The following MGAT5B variants were observed in gnomAD, a reference collection of about 807,000 sequenced individuals.
The protein encoded by MGAT5B is N-acetylglucosaminyl-transferase Vb.
A neutral mutation model predicts 95.1 loss-of-function variants in MGAT5B; 54 were observed. The ratio of observed to expected loss-of-function variants is 0.57; its 90% CI spans 0.46 to 0.71. The LOEUF is 0.71. MGAT5B is among the 30% of genes least tolerant of loss of function. The pLI is 0.00. For missense variants in MGAT5B, 935 were observed against 1,088.6 expected, an observed-to-expected ratio of 0.86 and a Z score of 1.99; for synonymous variants, 464 against 451.0, an observed-to-expected ratio of 1.03 and a Z score of -0.36.
rs553098725 is a variant in MGAT5B at position 76,870,131 on chromosome 17, C to G, written c.68+1034C>G. The stretch of plus-strand genomic sequence containing the variant: ...GCGGAGCTTGCAGGGGCCCTGAACT[C>G]TTGCCCTCCAGGTCTCGGCCCAGCC... On this transcript the variant is annotated intron_variant, in intron 1 of 17. Transcript: ENST00000569840. The surrounding 1 kb of genome is among the most constrained non-coding windows in gnomAD (Gnocchi z 5.0). 2.0e-5 allele frequency among the ~76,000 whole-genome samples: 3 copies of G among 152,306 alleles called. No homozygotes were observed. The highest frequency in any genetic ancestry group is 4.4e-5 in the Non-Finnish European group (3 of 68,000).
At chr17:76,878,671 T>C (rs1462356344) in intron 2 of MGAT5B, among the ~76,000 whole-genome samples, 1 of 152,002 alleles carries the variant, frequency 6.6e-6, no homozygotes, top group East Asian at 1.9e-4. Context: ...AAAGGGGTTT[T>C]GCCATGTTGC....
intron 9 of MGAT5B, among the ~76,000 whole-genome samples, chr17:76,925,933 C>T (rs1453747637): frequency 6.6e-6 from 1 of 152,112 alleles, no homozygotes; most frequent in South Asian, 2.1e-4. Flanking sequence ...TTCGTCTGGC[C>T]CTGTGGTTGG....
intron 3 of MGAT5B, among the ~76,000 whole-genome samples, chr17:76,884,308 G>A (rs753795333): frequency 6.6e-6 from 1 of 152,214 alleles, no homozygotes; most frequent in Non-Finnish European, 1.5e-5. Context: ...GCTGGACTTG[G>A]CTTTGGGTTC....
intron 10 of MGAT5B, among the ~76,000 whole-genome samples, chr17:76,928,129 G>T (rs1442766339): frequency 6.6e-6 from 1 of 152,308 alleles, no homozygotes; most frequent in African/African-American, 2.4e-5. Context: ...ATGCAGTCCA[G>T]ATGAGAAAAC....
intron 3 of MGAT5B, among the ~76,000 whole-genome samples, chr17:76,897,837 C>T (rs1344392847): frequency 1.7e-4 from 25 of 150,216 alleles, no homozygotes; most frequent in Admixed American, 1.3e-3. Context: ...GGGTGGATCA[C>T]GTGAGGTCAG....
Position 76,904,269 on chromosome 17 carries a change from G to C in MGAT5B, c.537G>C (p.Trp179Cys). Residue 179 changes from tryptophan to cysteine, a missense_variant, in exon 6 of 18, where the codon TGG becomes TGC. Transcript: ENST00000569840. ...CTCTGCAGTGGATGCGTGCCCGCTG[G>C]ACCTCTGACCCCTGCTACGCCTTCT... ...SGKVEWMRARWTSDPCYAFFG... is the reference protein window; with the variant it reads ...SGKVEWMRARCTSDPCYAFFG... 1 of 1,609,950 alleles carries C rather than the reference G, an allele frequency of 6.2e-7. No individual in the cohort carries two copies. The highest frequency in any genetic ancestry group is 8.5e-7 in the Non-Finnish European group (1 of 1,178,750).
At chr17:76,888,733 G>A (rs1383537544) in intron 3 of MGAT5B, among the ~76,000 whole-genome samples, 1 of 152,150 alleles carries the variant, frequency 6.6e-6, no homozygotes, top group Non-Finnish European at 1.5e-5. Flanking sequence ...CCTGAAGGGA[G>A]TTGAGGATTG....
Position 76,949,245 on chromosome 17 carries a change from G to C in MGAT5B, c.*407G>C, listed in dbSNP as rs1387903133. 4.9e-6 allele frequency: 1 copy of C among 202,674 alleles called. No homozygotes were observed. Among genetic ancestry groups the C allele is most frequent in the African/African-American group, 2.3e-5 (1 of 42,760 alleles). The allele number at this position is 202,674 out of a possible 1,614,324, so 12.6% of individuals were successfully genotyped here. A position where few individuals can be genotyped will look rare whatever the true frequency, so the allele number is the denominator to read the frequency against. ...TCTAGACTTGCAAGGGAGAGGAACA[G>C]GGACCAGGCTGCCCCACGGTCCCTG... On this transcript the variant is annotated 3_prime_UTR_variant, in exon 18 of 18. Coordinates refer to ENST00000569840, the MANE Select transcript of MGAT5B (RefSeq NM_001199172.2).
chr17:76,932,044 TCC>T (rs1160122902), intron 10 of MGAT5B, among the ~76,000 whole-genome samples: 1 of 148,878 alleles, frequency 6.7e-6, no homozygotes. Context: ...TTCCTCCTCC[TCC>T]TCTTTCTCCT....
At chr17:76,892,166 G>C (rs982035977) in intron 3 of MGAT5B, among the ~76,000 whole-genome samples, 1 of 152,166 alleles carries the variant, frequency 6.6e-6, no homozygotes, top group Non-Finnish European at 1.5e-5. Context: ...TCCCACCTCA[G>C]CCTCCAGAGT....
At position 76,915,503 on chromosome 17, in the gene MGAT5B, T is replaced by A. The variant is rs1247492951; in HGVS notation, c.1025+9316T>A. The stretch of plus-strand genomic sequence containing the variant: ...TCGGGCTCTACCAGGGTTTGTAATA[T>A]GCTATCCCTCGAAACAAACAGGATT... On this transcript the variant is annotated intron_variant, in intron 8 of 17. Coordinates refer to ENST00000569840, the MANE Select transcript of MGAT5B (RefSeq NM_001199172.2). This position sits in a 1 kb window ranked among gnomAD's most constrained non-coding sequence, Gnocchi z 8.7. 1.3e-5 allele frequency among the ~76,000 whole-genome samples: 2 copies of A among 152,166 alleles called. No homozygotes were observed. Among genetic ancestry groups the A allele is most frequent in the African/African-American group, 2.4e-5 (1 of 41,434 alleles).
At position 76,906,967 on chromosome 17, in the gene MGAT5B, T is replaced by C. The variant is rs1246296435; in HGVS notation, c.1025+780T>C. ...TTAAGATCATGCTGTCACCAAGGAC[T>C]CTGGGTTTGCCTGAGAGTGTCTGCC... On this transcript the variant is annotated intron_variant, in intron 8 of 17. Transcript: ENST00000569840. This position sits in a 1 kb window ranked among gnomAD's most constrained non-coding sequence, Gnocchi z 4.6. Among the ~76,000 whole-genome samples, 1 of 152,118 alleles carries C rather than the reference T, an allele frequency of 6.6e-6. No homozygotes were observed. The highest frequency in any genetic ancestry group is 1.5e-5 in the Non-Finnish European group (1 of 68,016).
At position 76,926,586 on chromosome 17, in the gene MGAT5B, T is replaced by TG. The variant is rs772792329; in HGVS notation, c.1158-4dup. ...TTGCTGACCCTGGTTCCTGGTCCCC[T>TG]GGGGGGGCAGGTGCCGAATCAGGGT... On this transcript the variant is annotated splice_polypyrimidine_tract_variant and intron_variant, in intron 9 of 17. Coordinates refer to ENST00000569840, the MANE Select transcript of MGAT5B (RefSeq NM_001199172.2). 7.2e-4 allele frequency: 1,162 copies of TG among 1,604,368 alleles called. 1 individual carries two copies. Among genetic ancestry groups the TG allele is most frequent in the Middle Eastern group, 1.4e-3 (8 of 5,882 alleles).
intron 5 of MGAT5B, among the ~76,000 whole-genome samples, chr17:76,903,752 A>C (rs978144347): frequency 6.6e-6 from 1 of 152,178 alleles, no homozygotes; most frequent in African/African-American, 2.4e-5. Flanking sequence ...GGAGTCGTCC[A>C]CAGCCGTGAA....
rs1968807294 is a variant in MGAT5B, at chr17:76,913,244, TTCC to T, written c.1025+7061_1025+7063del. Among the ~76,000 whole-genome samples the T allele has an allele frequency of 3.3e-5, 5 of 152,200 alleles. No individual in the cohort carries two copies. In the South Asian group the frequency reaches 1.0e-3, roughly 31 times the overall value. The stretch of plus-strand genomic sequence containing the variant: ...TGACGAAGGTGGGGACTCCATCTGC[TTCC>T]TCCCGCACAATCCACTGTGACCAGC... On this transcript the variant is annotated intron_variant, in intron 8 of 17. Transcript: ENST00000569840.
intron 3 of MGAT5B, among the ~76,000 whole-genome samples, chr17:76,891,000 C>T (rs1375572186): frequency 9.2e-5 from 13 of 141,370 alleles, no homozygotes; most frequent in East Asian, 2.1e-4. Context: ...ATTCTCCCAC[C>T]GTCACCCAGG....
At chr17:76,941,580 G>T (rs1278051838) in intron 15 of MGAT5B, among the ~76,000 whole-genome samples, 1 of 152,216 alleles carries the variant, frequency 6.6e-6, no homozygotes, top group Non-Finnish European at 1.5e-5. Context: ...ATTGCTCCAG[G>T]CCGGGAATGG....
At chr17:76,928,711 A>C (rs921214000) in intron 10 of MGAT5B, among the ~76,000 whole-genome samples, 6 of 151,776 alleles carry the variant, frequency 4.0e-5, no homozygotes, top group African/African-American at 7.3e-5. Flanking sequence ...TCTTGGGGGA[A>C]AAACAAAATA....
At position 76,912,546 on chromosome 17, in the gene MGAT5B, C is replaced by T. The variant is rs73373741; in HGVS notation, c.1025+6359C>T. Among the ~76,000 whole-genome samples, 4,489 of 152,076 alleles carry T rather than the reference C, an allele frequency of 0.03. 223 individuals are homozygous for T. Among genetic ancestry groups the T allele is most frequent in the African/African-American group, 0.1 (4,180 of 41,464 alleles). ...GCTTGTACATTTGTTGTAGTTTATT[C>T]GCAGATGTTCACGGCAGATGTCCTG... On this transcript the variant is annotated intron_variant, in intron 8 of 17. Coordinates refer to ENST00000569840, the MANE Select transcript of MGAT5B (RefSeq NM_001199172.2). The surrounding 1 kb of genome is among the most constrained non-coding windows in gnomAD (Gnocchi z 5.0).
Sources: gnomAD v4.1 joint callset for allele counts (sites outside exome capture counted in the v4.1 genomes callset) on GRCh38, gnomAD v4.1.1 for gene constraint, Gnocchi (gnomAD v3.1) non-coding constraint, MANE v1.5 for transcripts, NCBI Gene and HGNC (gene_info 2026-07-23, HGNC 2026-07-21) for gene names.